Variants in C11orf65 observed in about 807,000 individuals in gnomAD.
The protein encoded by C11orf65 is chromosome 11 open reading frame 65.
A neutral mutation model predicts 35.3 loss-of-function variants in C11orf65; 38 were observed. The observed-to-expected ratio is 1.08, with a 90% CI of 0.83 to 1.41. C11orf65 has a LOEUF of 1.41. Among genes scored for constraint, C11orf65 ranks in the 40% most tolerant of loss-of-function variants. The pLI is 0.00. For missense variants in C11orf65, 370 were observed against 367.1 expected (o/e 1.01, Z -0.06); for synonymous variants, 105 against 114.4 (o/e 0.92, Z 0.53).
At chr11:108,429,661 AAAG>A (rs1294088605) in intron 3 of C11orf65, among the ~76,000 whole-genome samples, 1 of 152,222 alleles carries the variant, frequency 6.6e-6, no homozygotes. Context: ...AAAAGAATTA[AAAG>A]AAGGGTCTCA....
At chr11:108,317,638 TATATATATATATATAC>T (rs1221133449) in intron 6 of C11orf65, 6 of 176,178 alleles carry the variant, frequency 3.4e-5, no homozygotes, top group South Asian at 1.4e-4. Context: ...TATATATATA[TATATATATATATATAC>T]ACACACACAC....
At chr11:108,330,793 T>C (rs1335241347), downstream of C11orf65, among the ~76,000 whole-genome samples, 1 of 152,134 alleles carries the variant, frequency 6.6e-6, no homozygotes, top group Non-Finnish European at 1.5e-5. Context: ...ACAGGTGGGT[T>C]TTCCCCCTGC....
chr11:108,309,730 GAC>G (rs2136001272), intron 6 of C11orf65, among the ~76,000 whole-genome samples: 1 of 152,310 alleles, frequency 6.6e-6, no homozygotes, highest in South Asian at 2.1e-4. Flanking sequence ...CAATAGGAAA[GAC>G]ATGTATTTGT....
At chr11:108,319,872 T>C in intron 6 of C11orf65, 1 of 952,802 alleles carries the variant, frequency 1.0e-6, no homozygotes. Flanking sequence ...TTAAAAATTT[T>C]GTCCTTTGGT....
chr11:108,460,899 A>G (rs1475197244), intron 2 of C11orf65, among the ~76,000 whole-genome samples: 1 of 151,724 alleles, frequency 6.6e-6, no homozygotes, highest in Non-Finnish European at 1.5e-5. Flanking sequence ...CTAATTTTGT[A>G]TTTTTAGTAG....
Position 108,461,651 on chromosome 11 carries a change from A to G in C11orf65, c.-9-83T>C, listed in dbSNP as rs2093475128. 3.2e-6 allele frequency: 3 copies of G among 937,788 alleles called. No individual in the cohort carries two copies. The Admixed American group carries it at 7.6e-5, about 24-fold the overall frequency. The allele number at this position is 937,788 out of a possible 1,614,324, so 58.1% of individuals were successfully genotyped here. A position where few individuals can be genotyped will look rare whatever the true frequency, so the allele number is the denominator to read the frequency against. ...TTATTTATTTATTTTTTTTAGAGAC[A>G]CATTCTTGCTCTGTCACCCAAGCTG... On this transcript the variant is annotated intron_variant, in intron 1 of 8. Coordinates refer to ENST00000393084, the MANE Select transcript of C11orf65 (RefSeq NM_152587.5).
At chr11:108,384,385 T>C (rs2091938852) in intron 8 of C11orf65, among the ~76,000 whole-genome samples, 1 of 152,158 alleles carries the variant, frequency 6.6e-6, no homozygotes, top group Non-Finnish European at 1.5e-5. Context: ...GCTCTGTGCA[T>C]GATTATCTCA....
At chr11:108,366,230 T>C (rs2091323673) in intron 2 of C11orf65, 1 of 196,978 alleles carries the variant, frequency 5.1e-6, no homozygotes, top group South Asian at 1.9e-4. Context: ...ATGTATGTTA[T>C]CTTTCTGTGA....
At chr11:108,459,726 T>TAC (rs60928526) in intron 2 of C11orf65, among the ~76,000 whole-genome samples, 2,737 of 138,608 alleles carry the variant, frequency 0.02, 31 homozygotes, top group East Asian at 0.039. Flanking sequence ...GTCCTCCGTC[T>TAC]ACACACACAC....
chr11:108,333,860 TA>T (rs1338732354), intron 3 of C11orf65: 2 of 1,555,932 alleles, frequency 1.3e-6, no homozygotes, highest in Non-Finnish European at 1.8e-6. Flanking sequence ...AGTTTGTCAC[TA>T]AAATCTCTTC....
downstream of C11orf65, among the ~76,000 whole-genome samples, chr11:108,329,965 G>A (rs1303898896): frequency 6.6e-6 from 1 of 152,200 alleles, no homozygotes; most frequent in Admixed American, 6.5e-5. Flanking sequence ...ATATTTTAGT[G>A]TAAGCAGAGG....
chr11:108,321,298 T>C lies in C11orf65; in HGVS notation c.641-12227A>G, dbSNP rs768073845. ...CAGAGTGTCTTTTCTTTTTTGCTAC[T>C]AGAGTAAAAGAAGTGGAAGAGATGT... On this transcript the variant is annotated intron_variant, in intron 6 of 6. Transcript: ENST00000525729. The C allele has an allele frequency of 6.2e-7, 1 of 1,614,060 alleles. No homozygotes were observed. The highest frequency in any genetic ancestry group is 2.2e-5 in the East Asian group (1 of 44,882).
intron 2 of C11orf65, among the ~76,000 whole-genome samples, chr11:108,438,993 G>A (rs562264625): frequency 3.3e-5 from 5 of 151,732 alleles, no homozygotes; most frequent in Admixed American, 6.6e-5. Context: ...GTGACAGAGC[G>A]AGACTCCATC....
At chr11:108,332,082 G>C (rs761300655) in intron 3 of C11orf65, 1 of 1,601,310 alleles carries the variant, frequency 6.2e-7, no homozygotes, top group South Asian at 1.1e-5. Context: ...GTGATATTCA[G>C]TCTTTCCTAG....
chr11:108,398,191 C>G (rs948681994), intron 6 of C11orf65, among the ~76,000 whole-genome samples: 1 of 151,852 alleles, frequency 6.6e-6, no homozygotes, highest in African/African-American at 2.4e-5. Context: ...ACAGAGAAGA[C>G]GAAGGGACTA....
intron 6 of C11orf65, among the ~76,000 whole-genome samples, chr11:108,310,955 C>T (rs1233034352): frequency 2.0e-5 from 3 of 152,072 alleles, no homozygotes; most frequent in African/African-American, 7.2e-5. Flanking sequence ...ATTATCCCAA[C>T]TGCTCTTTTC....
chr11:108,326,907 C>T (rs2085735742), downstream of C11orf65, among the ~76,000 whole-genome samples: 1 of 152,164 alleles, frequency 6.6e-6, no homozygotes, highest in Non-Finnish European at 1.5e-5. Flanking sequence ...CTCACCGCAA[C>T]CTCCACCTCC....
At chr11:108,437,119 G>GA (rs57769492) in intron 2 of C11orf65, among the ~76,000 whole-genome samples, 14 of 147,360 alleles carry the variant, frequency 9.5e-5, no homozygotes, top group African/African-American at 3.2e-4. Context: ...AAGGGGGGGG[G>GA]TGGACAAAAT....
intron 6 of C11orf65, among the ~76,000 whole-genome samples, chr11:108,314,198 C>T (rs2084410591): frequency 6.6e-6 from 1 of 152,088 alleles, no homozygotes; most frequent in Admixed American, 6.6e-5. Flanking sequence ...ACACTGCAAG[C>T]TCTGCCTCCC....
Sources: gnomAD v4.1 joint callset for allele counts (sites outside exome capture counted in the v4.1 genomes callset) on GRCh38, gnomAD v4.1.1 for gene constraint, MANE v1.5 for transcripts, NCBI Gene and HGNC (gene_info 2026-07-23, HGNC 2026-07-21) for gene names.